The following USO1 variants were observed in gnomAD, a reference collection of about 807,000 sequenced individuals.
The protein encoded by USO1 is USO1 vesicle transport factor.
In USO1, 57 loss-of-function variants were observed where a neutral mutation model predicts 124.5. That is an observed-to-expected ratio of 0.46 (90% CI 0.37 to 0.57). The LOEUF (loss-of-function observed/expected upper bound fraction) is 0.57, where lower values mean the gene tolerates loss of function less well. Ranked by LOEUF, USO1 falls within the 20% of genes least tolerant of loss-of-function variation. The pLI is 0.00. For synonymous variants in USO1, 369 were observed against 362.8 expected (o/e 1.02, Z -0.19); for missense variants, 900 against 1,040.6 (o/e 0.86, Z 1.86).
In USO1 at chr4:75,774,759, A is replaced by C; in HGVS notation, c.639A>C (p.Leu213=). 3 of 1,613,730 alleles carry C rather than the reference A, an allele frequency of 1.9e-6. No homozygotes were observed. Among genetic ancestry groups the C allele is most frequent in the Non-Finnish European group, 2.5e-6 (3 of 1,179,734 alleles). The change falls in exon 8 of 24, where the codon CTA becomes CTC. Residue 213 remains leucine (L), a synonymous_variant. Transcript: ENST00000514213. ...CTTTTGAAAATGCTTTCGAGAGACT[A>C]CTGGACATTATTTCAGAGGAGGGGA... The part of the protein sequence containing the change: ...IVAFENAFER[L]LDIISEEGNS...
At chr4:75,770,757 GA>G (rs34310208) in intron 5 of USO1, 64 bp from the exon 6 acceptor site, 3 of 1,571,680 alleles carry the variant, frequency 1.9e-6, no homozygotes, top group African/African-American at 1.4e-5. Context: ...GTTATTAGTG[GA>G]AAAAATGTTT....
intron 1 of USO1, among the ~76,000 whole-genome samples, chr4:75,743,983 A>G (rs1197310541): frequency 2.0e-5 from 3 of 152,138 alleles, no homozygotes; most frequent in Non-Finnish European, 4.4e-5. Flanking sequence ...TCACCGTGTT[A>G]GCCAGGATAG....
At chr4:75,741,957 A>G (rs964107146) in intron 1 of USO1, among the ~76,000 whole-genome samples, 1 of 152,178 alleles carries the variant, frequency 6.6e-6, no homozygotes, top group African/African-American at 2.4e-5. Flanking sequence ...GGGCAGGGTC[A>G]TCAATATCAC....
chr4:75,793,668 T>C, intron 12 of USO1, 22 bp from the exon 13 acceptor site: 1 of 1,578,082 alleles, frequency 6.3e-7, no homozygotes, highest in Non-Finnish European at 8.6e-7. Flanking sequence ...ATATTTTTAT[T>C]GTCTGCCTGC....
intron 1 of USO1, among the ~76,000 whole-genome samples, chr4:75,725,264 G>C (rs1264376285): frequency 1.3e-5 from 2 of 152,188 alleles, no homozygotes; most frequent in African/African-American, 4.8e-5. Context: ...TCGCTCGTCT[G>C]CACTGGCCGA....
rs1720330554 is a variant in USO1 at position 75,724,635 on chromosome 4, C to G, written c.-185C>G. ...ATGCCACGTCCCCGCGCATGCGCAT[C>G]TTGGCCGCTGCTGGCGGCTGTTTCC... On this transcript the variant is annotated 5_prime_UTR_variant, in exon 1 of 24. It adds an upstream start codon to the 5' untranslated region. Coordinates refer to ENST00000514213, the MANE Select transcript of USO1 (RefSeq NM_003715.4). 8.3e-6 allele frequency: 5 copies of G among 601,226 alleles called. No individual in the cohort carries two copies. Among genetic ancestry groups the G allele is most frequent in the South Asian group, 4.1e-5 (2 of 49,094 alleles). The allele number at this position is 601,226 out of a possible 1,614,324, so 37.2% of individuals were successfully genotyped here.
At chr4:75,812,734 T>C (rs1723184970) in intron 23 of USO1, among the ~76,000 whole-genome samples, 1 of 152,206 alleles carries the variant, frequency 6.6e-6, no homozygotes, top group Non-Finnish European at 1.5e-5. Flanking sequence ...TTAACTGATA[T>C]ATCTCATTCA....
rs529546440 is a variant in USO1 at position 75,788,659 on chromosome 4, C to T, written c.996+1457C>T. On this transcript the variant is annotated intron_variant, in intron 10 of 23. Transcript: ENST00000514213. ...CTGGGTTTGAGCAATTCTTCTGCCT[C>T]AGCCTCCAGAGTAGCTGGGATTACA... 4.7e-4 allele frequency among the ~76,000 whole-genome samples: 71 copies of T among 151,290 alleles called. 1 individual carries two copies. The South Asian group carries it at 6.0e-3, about 13-fold the overall frequency.
chr4:75,759,377 T>G (rs1160947262), intron 4 of USO1, among the ~76,000 whole-genome samples: 1 of 149,328 alleles, frequency 6.7e-6, no homozygotes, highest in Non-Finnish European at 1.5e-5. Context: ...GTGGATCACT[T>G]GAGGTCAGGA....
At chr4:75,778,152 T>C (rs979973581) in intron 8 of USO1, among the ~76,000 whole-genome samples, 2 of 152,186 alleles carry the variant, frequency 1.3e-5, no homozygotes, top group African/African-American at 4.8e-5. Flanking sequence ...GGGACACCAA[T>C]GCCCCAGTTG....
At position 75,725,040 on chromosome 4, in the gene USO1, C is replaced by G. The variant is rs1272070268; in HGVS notation, c.66+155C>G. 21 of 782,756 alleles carry G rather than the reference C, an allele frequency of 2.7e-5. No individual in the cohort carries two copies. The South Asian group carries it at 3.8e-4, about 14-fold the overall frequency. The allele number at this position is 782,756 out of a possible 1,614,324, so 48.5% of individuals were successfully genotyped here. A position where few individuals can be genotyped will look rare whatever the true frequency, so the allele number is the denominator to read the frequency against. Reference sequence around the variant, plus strand: ...TGCCCTCCTTCCGCTCCTGAAATCCCAGAGTTATTCAATCACGCCCCCAGC... The same window carrying G: ...TGCCCTCCTTCCGCTCCTGAAATCCGAGAGTTATTCAATCACGCCCCCAGC... On this transcript the variant is annotated intron_variant, in intron 1 of 23. Transcript: ENST00000514213.
intron 12 of USO1, 71 bp from the exon 13 acceptor site, chr4:75,793,619 A>G (rs1402630504): frequency 1.3e-6 from 2 of 1,534,478 alleles, no homozygotes; most frequent in East Asian, 4.9e-5. Flanking sequence ...GTGTACAGAA[A>G]ACAATTTATT....
chr4:75,770,609 G>A lies in USO1; in HGVS notation c.396+70G>A, dbSNP rs1326521140. The A allele has an allele frequency of 6.6e-6, 10 of 1,504,500 alleles. No homozygotes were observed. The East Asian group carries it at 2.5e-4, about 37-fold the overall frequency. 93.2% of individuals were successfully genotyped at this position (1,504,500 alleles called of 1,614,324 possible). ...TTTGTTGCCTTTTGGATGTTATTGA[G>A]GAAGTAACATGTATATACCTTTAAA... On this transcript the variant is annotated intron_variant, in intron 5 of 23. Coordinates refer to ENST00000514213, the MANE Select transcript of USO1 (RefSeq NM_003715.4).
At chr4:75,729,464 C>T (rs1003911505) in intron 1 of USO1, among the ~76,000 whole-genome samples, 4 of 152,156 alleles carry the variant, frequency 2.6e-5, no homozygotes, top group Admixed American at 1.3e-4. Flanking sequence ...CTCAGTCTCC[C>T]GAGCAGCTGG....
At position 75,804,257 on chromosome 4, in the gene USO1, CT is replaced by C; in HGVS notation, c.2112del (p.Ile706TyrfsTer3). The C allele has an allele frequency of 6.2e-7, 1 of 1,610,444 alleles. No individual in the cohort carries two copies. Among genetic ancestry groups the C allele is most frequent in the Non-Finnish European group, 8.5e-7 (1 of 1,178,204 alleles). Reference sequence around the variant, plus strand: ...GCAGCACAAAGACCAGTATAATCTTCTTAAAATACAGCTAGGTAAGCATAGC... The same window carrying C: ...GCAGCACAAAGACCAGTATAATCTTCTAAAATACAGCTAGGTAAGCATAGC... ...IQQHKDQYNL[L>X]KIQLGKDNQH... On this transcript the variant is annotated frameshift_variant, in exon 18 of 24. Coordinates refer to ENST00000514213, the MANE Select transcript of USO1 (RefSeq NM_003715.4). LOFTEE classifies it high-confidence loss of function.
intron 8 of USO1, among the ~76,000 whole-genome samples, chr4:75,777,120 T>C (rs548476687): frequency 2.4e-4 from 37 of 152,328 alleles, no homozygotes; most frequent in Admixed American, 4.6e-4. Flanking sequence ...AATTGTATTA[T>C]CCATATTTAA....
intron 4 of USO1, among the ~76,000 whole-genome samples, chr4:75,762,609 G>T (rs1420724036): frequency 6.6e-6 from 1 of 151,414 alleles, no homozygotes; most frequent in East Asian, 1.9e-4. Flanking sequence ...CTAGTTTATA[G>T]AATATTCAGA....
chr4:75,771,415 T>TA (rs969668138), intron 7 of USO1, among the ~76,000 whole-genome samples: 1 of 152,212 alleles, frequency 6.6e-6, no homozygotes, highest in African/African-American at 2.4e-5. Flanking sequence ...AATGACCTTT[T>TA]AAAGTTGTAC....
intron 1 of USO1, among the ~76,000 whole-genome samples, chr4:75,737,368 A>G (rs936510056): frequency 6.6e-6 from 1 of 152,226 alleles, no homozygotes; most frequent in Non-Finnish European, 1.5e-5. Flanking sequence ...TTAGCATGTA[A>G]ACCTCTTTGA....
Sources: gnomAD v4.1 joint callset for allele counts (sites outside exome capture counted in the v4.1 genomes callset) on GRCh38, gnomAD v4.1.1 for gene constraint, MANE v1.5 for transcripts, NCBI Gene and HGNC (gene_info 2026-07-23, HGNC 2026-07-21) for gene names.